The following CSMD3 variants were observed in gnomAD, a reference collection of about 807,000 sequenced individuals.
The protein encoded by CSMD3 is CUB and sushi domain-containing protein 3.
A neutral mutation model predicts 435.2 loss-of-function variants in CSMD3; 177 were observed. That is an observed-to-expected ratio of 0.41 (90% CI 0.36 to 0.46). CSMD3 has a LOEUF of 0.46. Among genes scored for constraint, CSMD3 ranks in the 20% least tolerant of loss-of-function variants. The pLI is 0.34. For missense variants in CSMD3, 4,265 were observed against 4,504.6 expected (o/e 0.95, Z 1.52); for synonymous variants, 1,656 against 1,520.5 (o/e 1.09, Z -2.07).
At chr8:112,643,001 C>T (rs1166206716) in intron 20 of CSMD3, among the ~76,000 whole-genome samples, 2 of 152,038 alleles carry the variant, frequency 1.3e-5, no homozygotes, top group Non-Finnish European at 2.9e-5. Flanking sequence ...TGGTGATGAA[C>T]ATGAAAATAT....
chr8:113,240,430 C>T (rs1051156684), intron 3 of CSMD3, among the ~76,000 whole-genome samples: 3 of 152,088 alleles, frequency 2.0e-5, no homozygotes, highest in Non-Finnish European at 4.4e-5. Context: ...GAGGAATTGT[C>T]CCATTGTCTT....
chr8:113,029,252 G>A (rs142065811), intron 5 of CSMD3, among the ~76,000 whole-genome samples: 2,274 of 151,426 alleles, frequency 0.015, 66 homozygotes, highest in African/African-American at 0.053. Flanking sequence ...AGATAAAGAA[G>A]GAACCCTCCC....
In CSMD3 at chr8:112,517,292, G is replaced by T. The variant is rs187320192; in HGVS notation, c.4565-67C>A. The T allele has an allele frequency of 4.3e-5, 50 of 1,153,416 alleles. No homozygotes were observed. The East Asian group carries it at 1.2e-3, about 29-fold the overall frequency. The allele number at this position is 1,153,416 out of a possible 1,614,324, so 71.4% of individuals were successfully genotyped here. A position where few individuals can be genotyped will look rare whatever the true frequency, so the allele number is the denominator to read the frequency against. On this transcript the variant is annotated intron_variant, in intron 27 of 70. Transcript: ENST00000297405. ...CAAAATCAATTTCATATATCCCTGT[G>T]TTTTAGAAAATTAATTTTTAAAATT...
chr8:112,998,718 TC>T (rs756781750), intron 6 of CSMD3, among the ~76,000 whole-genome samples: 3 of 151,888 alleles, frequency 2.0e-5, no homozygotes, highest in Admixed American at 1.3e-4. Context: ...AAATTTTCAA[TC>T]CCCAGTATTG....
chr8:112,654,394 G>A (rs1182626180), intron 18 of CSMD3, among the ~76,000 whole-genome samples: 1 of 152,152 alleles, frequency 6.6e-6, no homozygotes, highest in African/African-American at 2.4e-5. Flanking sequence ...AATAAAATGA[G>A]AGAAGGTGAT....
chr8:112,650,251 T>C lies in CSMD3; in HGVS notation c.3103A>G (p.Ser1035Gly), dbSNP rs749328866. Residue 1035 changes from serine to glycine, a missense_variant, in exon 19 of 71, where the codon AGT (serine) becomes GGT (glycine). Ser to Gly is a moderately conservative substitution (Grantham distance 56). Coordinates refer to ENST00000297405, the MANE Select transcript of CSMD3 (RefSeq NM_198123.2). ...CTCAACCTGTATCCTGAATCACAAC[T>C]AAATGAAACAGTAGAGCCAATGGAG... ...DFSIGSTVSF[S>G]CDSGYRLSHE... 1 of 1,613,566 alleles carries C rather than the reference T, an allele frequency of 6.2e-7. No individual in the cohort carries two copies. Among genetic ancestry groups the C allele is most frequent in the Non-Finnish European group, 8.5e-7 (1 of 1,179,738 alleles).
At chr8:112,987,631 A>G (rs2085302406) in intron 6 of CSMD3, among the ~76,000 whole-genome samples, 1 of 152,152 alleles carries the variant, frequency 6.6e-6, no homozygotes, top group Admixed American at 6.6e-5. Context: ...TCTCAAAATG[A>G]TCTTAACTTC....
At chr8:113,421,153 A>G (rs1385248240) in intron 1 of CSMD3, among the ~76,000 whole-genome samples, 3 of 152,156 alleles carry the variant, frequency 2.0e-5, no homozygotes, top group African/African-American at 4.8e-5. Flanking sequence ...AAAAGGAAAA[A>G]AAATTACAAT....
At chr8:113,241,621 G>T (rs1563592729) in intron 3 of CSMD3, among the ~76,000 whole-genome samples, 2 of 150,612 alleles carry the variant, frequency 1.3e-5, no homozygotes, top group Admixed American at 6.6e-5. Context: ...AAAAAAGAAT[G>T]TCTCAGTACA....
At chr8:112,492,329 T>A (rs946315043) in intron 31 of CSMD3, among the ~76,000 whole-genome samples, 160 bp downstream of exon 31, 37 of 152,184 alleles carry the variant, frequency 2.4e-4, no homozygotes, top group African/African-American at 8.9e-4. Context: ...AGGTCTTTAT[T>A]GAATTCAACT....
At chr8:112,510,031 G>C (rs1439479519) in intron 28 of CSMD3, among the ~76,000 whole-genome samples, 1 of 152,094 alleles carries the variant, frequency 6.6e-6, no homozygotes, top group South Asian at 2.1e-4. Flanking sequence ...GTAGTCCCAA[G>C]CTAGAGGCCT....
At chr8:112,436,701 A>T (rs1814394422) in intron 32 of CSMD3, among the ~76,000 whole-genome samples, 1 of 151,712 alleles carries the variant, frequency 6.6e-6, no homozygotes, top group South Asian at 2.1e-4. Flanking sequence ...ACATATACAG[A>T]TATACACACA....
chr8:112,459,356 T>TG (rs1443242729), intron 32 of CSMD3, among the ~76,000 whole-genome samples: 23 of 85,900 alleles, frequency 2.7e-4, no homozygotes, highest in East Asian at 1.5e-3. Context: ...TGTGTGTGTG[T>TG]GTGGGGGGGG....
chr8:112,944,086 A>C (rs984148761), intron 9 of CSMD3, among the ~76,000 whole-genome samples: 1 of 151,610 alleles, frequency 6.6e-6, no homozygotes, highest in Non-Finnish European at 1.5e-5. Flanking sequence ...TTTCTACATC[A>C]AGCTTGCTCT....
intron 13 of CSMD3, among the ~76,000 whole-genome samples, chr8:112,696,102 A>G (rs1313100331): frequency 6.6e-6 from 1 of 152,234 alleles, no homozygotes; most frequent in Non-Finnish European, 1.5e-5. Context: ...AGAACATTCC[A>G]TGCTCATGGA....
At chr8:112,978,570 C>T (rs534304085) in intron 6 of CSMD3, among the ~76,000 whole-genome samples, 3 of 152,082 alleles carry the variant, frequency 2.0e-5, no homozygotes, top group Admixed American at 6.6e-5. Context: ...AAGAGCTATA[C>T]TTCCCACCAA....
At chr8:113,363,643 C>T (rs141965744) in intron 1 of CSMD3, among the ~76,000 whole-genome samples, 26 of 152,246 alleles carry the variant, frequency 1.7e-4, no homozygotes, top group Non-Finnish European at 3.5e-4. Context: ...TCACCTTCTC[C>T]TCTTGTGTGA....
chr8:113,316,081 C>T (rs1311186654), intron 1 of CSMD3, among the ~76,000 whole-genome samples: 1 of 151,974 alleles, frequency 6.6e-6, no homozygotes, highest in Non-Finnish European at 1.5e-5. Context: ...TTAATACAAC[C>T]GTAAGAGAAG....
At position 112,517,237 on chromosome 8, in the gene CSMD3, C is replaced by A. The variant is rs2130990660; in HGVS notation, c.4565-12G>T. Reference sequence around the variant, plus strand: ...AGTGGCAACAGAACCTATCAAAAGACAGAGACAAAATTTTAGTTTTGATAA... The same window carrying A: ...AGTGGCAACAGAACCTATCAAAAGAAAGAGACAAAATTTTAGTTTTGATAA... On this transcript the variant is annotated splice_polypyrimidine_tract_variant and intron_variant, in intron 27 of 70. Transcript: ENST00000297405. The A allele has an allele frequency of 1.2e-6, 2 of 1,610,510 alleles. No homozygotes were observed. The highest frequency in any genetic ancestry group is 1.7e-6 in the Non-Finnish European group (2 of 1,177,632).
Sources: allele counts gnomAD v4.1 joint callset (sites outside exome capture counted in the v4.1 genomes callset), GRCh38; gene constraint gnomAD v4.1.1; transcripts MANE v1.5; gene names NCBI Gene and HGNC (gene_info 2026-07-23, HGNC 2026-07-21).